Variants in SNTG2 observed in about 807,000 individuals in gnomAD.
SNTG2 encodes the protein syntrophin gamma 2, also known as gamma-2-syntrophin.
Under a neutral mutation model 70.9 loss-of-function variants are expected in SNTG2, and 74 were observed. The ratio of observed to expected loss-of-function variants is 1.04; its 90% CI spans 0.86 to 1.27. The LOEUF is 1.27. Among genes scored for constraint, SNTG2 ranks in the 50% most tolerant of loss-of-function variants. The probability of loss-of-function intolerance (pLI) is 0.00; values close to 1 mark genes in which losing one functional copy is unlikely to be tolerated. For missense variants in SNTG2, 717 were observed against 690.7 expected (o/e 1.04, Z -0.43); for synonymous variants, 278 against 273.8 (o/e 1.02, Z -0.15).
chr2:1,232,993 A>ATCC (rs769245724), intron 9 of SNTG2, among the ~76,000 whole-genome samples: 11 of 152,206 alleles, frequency 7.2e-5, no homozygotes, highest in Non-Finnish European at 1.3e-4. Flanking sequence ...GCACAGAGGG[A>ATCC]GGTGGTGGCC....
At chr2:1,222,997 C>T (rs190206577) in intron 9 of SNTG2, among the ~76,000 whole-genome samples, 99 of 34,232 alleles carry the variant, frequency 2.9e-3, no homozygotes, top group East Asian at 4.1e-3. Context: ...TGATGGAGGG[C>T]GTCTCCCTGT....
intron 6 of SNTG2, among the ~76,000 whole-genome samples, chr2:1,155,729 C>A (rs777511389): frequency 3.3e-5 from 5 of 152,114 alleles, no homozygotes; most frequent in Non-Finnish European, 7.4e-5. Flanking sequence ...CCAATCACCC[C>A]CAAGCTTGGG....
At chr2:1,166,638 C>T (rs551750953) in intron 7 of SNTG2, among the ~76,000 whole-genome samples, 1 of 152,246 alleles carries the variant, frequency 6.6e-6, no homozygotes, top group South Asian at 2.1e-4. Context: ...AGGGCGGGTC[C>T]CTGGCGAGGG....
intron 1 of SNTG2, among the ~76,000 whole-genome samples, chr2:993,794 G>A (rs1048360861): frequency 1.3e-5 from 2 of 151,944 alleles, no homozygotes; most frequent in Non-Finnish European, 2.9e-5. Flanking sequence ...ATCTTCACAT[G>A]TAATTATTTG....
intron 16 of SNTG2, among the ~76,000 whole-genome samples, chr2:1,327,694 T>C (rs1356191292): frequency 1.3e-5 from 2 of 152,192 alleles, no homozygotes; most frequent in Non-Finnish European, 2.9e-5. Flanking sequence ...TAAAGTTAAA[T>C]GCAAGCATAA....
At position 978,379 on chromosome 2, in the gene SNTG2, G is replaced by A. The variant is rs1414437109; in HGVS notation, c.72+27311G>A. Among the ~76,000 whole-genome samples the A allele has an allele frequency of 2.6e-5, 4 of 152,238 alleles. No homozygotes were observed. The East Asian group carries it at 7.7e-4, about 29-fold the overall frequency. ...TTAGAAATTATTACTTTTCATTCAAGTTTAGTTGGTAAATGTCATCTGATA... is the reference window on the plus strand; with the variant it reads ...TTAGAAATTATTACTTTTCATTCAAATTTAGTTGGTAAATGTCATCTGATA... On this transcript the variant is annotated intron_variant, in intron 1 of 16. Transcript: ENST00000308624.
At chr2:1,202,432 C>T (rs139757449) in intron 8 of SNTG2, among the ~76,000 whole-genome samples, 495 of 151,568 alleles carry the variant, frequency 3.3e-3, no homozygotes, top group Non-Finnish European at 5.6e-3. Context: ...TATTATGACC[C>T]CTACAGTCAA....
chr2:1,274,687 G>A (rs187855985), intron 14 of SNTG2, among the ~76,000 whole-genome samples: 15 of 152,182 alleles, frequency 9.9e-5, no homozygotes, highest in Admixed American at 2.0e-4. Context: ...TTCTGCCCTC[G>A]ATCAGGACGT....
chr2:1,105,966 T>A (rs1388675596), intron 4 of SNTG2, among the ~76,000 whole-genome samples: 8 of 152,238 alleles, frequency 5.3e-5, no homozygotes. Flanking sequence ...TTGGTAATAG[T>A]GGGCGCACAC....
chr2:1,313,386 A>G (rs567284846), intron 15 of SNTG2, among the ~76,000 whole-genome samples: 57 of 151,892 alleles, frequency 3.8e-4, no homozygotes, highest in South Asian at 1.0e-3. Flanking sequence ...ATCCCCCAGG[A>G]TGTGGAGCAA....
At chr2:1,259,911 C>G (rs56341802) in intron 13 of SNTG2, among the ~76,000 whole-genome samples, 1 of 152,154 alleles carries the variant, frequency 6.6e-6, no homozygotes, top group African/African-American at 2.4e-5. Flanking sequence ...TGGGGCTGCC[C>G]GGAGCCTGGA....
At chr2:1,208,283 AC>A (rs1290074327) in intron 8 of SNTG2, among the ~76,000 whole-genome samples, 1 of 75,028 alleles carries the variant, frequency 1.3e-5, no homozygotes, top group African/African-American at 4.8e-5. Flanking sequence ...TGTGGGGCAC[AC>A]CTGTGAGTGT....
chr2:1,364,384 G>A (rs1460934461), intron 16 of SNTG2, among the ~76,000 whole-genome samples: 1 of 152,050 alleles, frequency 6.6e-6, no homozygotes, highest in African/African-American at 2.4e-5. Context: ...TAGCTGTTTG[G>A]CTTCTTATTT....
intron 16 of SNTG2, among the ~76,000 whole-genome samples, chr2:1,363,462 A>G (rs1249361993): frequency 3.9e-5 from 6 of 152,140 alleles, no homozygotes; most frequent in Non-Finnish European, 7.3e-5. Context: ...CTGTCATTGT[A>G]TTAGGCTGAC....
chr2:1,151,831 G>A (rs146347895), intron 6 of SNTG2, among the ~76,000 whole-genome samples: 6 of 152,246 alleles, frequency 3.9e-5, no homozygotes, highest in Non-Finnish European at 7.4e-5. Flanking sequence ...CATAGCGACT[G>A]GAGAAAATGG....
At chr2:1,009,614 G>A (rs1357489730) in intron 1 of SNTG2, among the ~76,000 whole-genome samples, 1 of 119,732 alleles carries the variant, frequency 8.4e-6, no homozygotes, top group East Asian at 2.1e-4. Context: ...AAGACTGCTG[G>A]TTCTGATACT....
At chr2:1,360,701 G>A (rs936964916) in intron 16 of SNTG2, among the ~76,000 whole-genome samples, 9 of 151,920 alleles carry the variant, frequency 5.9e-5, no homozygotes, top group Non-Finnish European at 1.2e-4. Flanking sequence ...CACTCAGACA[G>A]AAGCAGCAAA....
In SNTG2 at chr2:1,317,567, AGC is replaced by A. The variant is rs1558203353; in HGVS notation, c.1488+1193_1488+1194del. Among the ~76,000 whole-genome samples the A allele has an allele frequency of 1.7e-3, 75 of 45,454 alleles. 4 individuals carry two copies. The highest frequency in any genetic ancestry group is 1.6e-3 in the Non-Finnish European group (32 of 19,534). 29.8% of individuals were successfully genotyped at this position (45,454 alleles called of 152,430 possible). On this transcript the variant is annotated intron_variant, in intron 16 of 16. Coordinates refer to ENST00000308624, the MANE Select transcript of SNTG2 (RefSeq NM_018968.4). ...GCATTGGAGAAGGTTGGGATTCTGG[AGC>A]ATGTAGCATGAGGCCAGCATTGGAG...
chr2:1,183,872 C>T (rs923143553), intron 8 of SNTG2, among the ~76,000 whole-genome samples: 9 of 152,020 alleles, frequency 5.9e-5, no homozygotes, highest in Non-Finnish European at 7.4e-5. Context: ...CCATGTATAT[C>T]CAATTTTTTT....
Sources: gnomAD v4.1 joint callset for allele counts (sites outside exome capture counted in the v4.1 genomes callset) on GRCh38, gnomAD v4.1.1 for gene constraint, MANE v1.5 for transcripts, NCBI Gene and HGNC (gene_info 2026-07-23, HGNC 2026-07-21) for gene names.